ADAMTS19: variants seen among roughly 807,000 people sequenced by gnomAD.
The protein encoded by ADAMTS19 is ADAM metallopeptidase with thrombospondin type 1 motif 19.
A neutral mutation model predicts 153.3 loss-of-function variants in ADAMTS19; 93 were observed. The observed-to-expected ratio is 0.61, with a 90% CI of 0.51 to 0.72. ADAMTS19 has a LOEUF of 0.72. ADAMTS19 is among the 30% of genes least tolerant of loss of function. ADAMTS19 has a pLI of 0.00. For missense variants in ADAMTS19, 1,482 were observed against 1,552.1 expected (o/e 0.95, Z 0.76); for synonymous variants, 600 against 556.6 (o/e 1.08, Z -1.10).
At chr5:129,567,348 T>C (rs966648718) in intron 7 of ADAMTS19, among the ~76,000 whole-genome samples, 5 of 152,052 alleles carry the variant, frequency 3.3e-5, no homozygotes, top group Non-Finnish European at 7.4e-5. Flanking sequence ...AAAATCTCAA[T>C]TTGCATGGGA....
chr5:129,631,066 T>C (rs1752262819), intron 10 of ADAMTS19, among the ~76,000 whole-genome samples: 1 of 151,664 alleles, frequency 6.6e-6, no homozygotes, highest in African/African-American at 2.4e-5. Flanking sequence ...GTTTAAAGAA[T>C]TGAAAAAACT....
chr5:129,702,941 A>AAATAT, intron 20 of ADAMTS19, among the ~76,000 whole-genome samples: 13 of 29,302 alleles, frequency 4.4e-4, no homozygotes, highest in South Asian at 3.3e-3. Context: ...AAAAAAAAAA[A>AAATAT]ATATATATAT....
At chr5:129,512,051 G>A (rs1751453518) in intron 3 of ADAMTS19, among the ~76,000 whole-genome samples, 4 of 151,986 alleles carry the variant, frequency 2.6e-5, no homozygotes, top group Admixed American at 2.6e-4. Context: ...TGGAAAAGTG[G>A]TCATGGACCA....
chr5:129,645,271 A>G (rs1251708986), intron 11 of ADAMTS19, among the ~76,000 whole-genome samples: 1 of 152,228 alleles, frequency 6.6e-6, no homozygotes, highest in African/African-American at 2.4e-5. Flanking sequence ...CAAACGTTGT[A>G]TGAAACAAAT....
intron 21 of ADAMTS19, among the ~76,000 whole-genome samples, chr5:129,706,357 G>T (rs995502479): frequency 2.0e-5 from 3 of 152,150 alleles, no homozygotes; most frequent in Admixed American, 2.0e-4. Flanking sequence ...ATCACTTGAG[G>T]TCAGCAGTTT....
chr5:129,507,261 C>T (rs1029231838), intron 2 of ADAMTS19, among the ~76,000 whole-genome samples: 5 of 152,002 alleles, frequency 3.3e-5, no homozygotes, highest in African/African-American at 9.7e-5. Context: ...CTCAGAATTA[C>T]ACTAATCCAT....
rs1445436658 is a variant in ADAMTS19, at chr5:129,738,259, T to A, written c.*1041T>A. The A allele has an allele frequency of 2.0e-5, 3 of 152,180 alleles. No individual in the cohort carries two copies. The South Asian group carries it at 6.2e-4, about 32-fold the overall frequency. 9.4% of individuals were successfully genotyped at this position (152,180 alleles called of 1,614,324 possible). On this transcript the variant is annotated 3_prime_UTR_variant, in exon 23 of 23. Transcript: ENST00000274487. Reference sequence around the variant, plus strand: ...GAAACGTTCAAAAGCCAGCTTAAAATTTTTCTTGTGAGAAAATATTATACA... The same window carrying A: ...GAAACGTTCAAAAGCCAGCTTAAAAATTTTCTTGTGAGAAAATATTATACA...
At chr5:129,534,694 A>G (rs1752348665) in intron 6 of ADAMTS19, among the ~76,000 whole-genome samples, 1 of 152,194 alleles carries the variant, frequency 6.6e-6, no homozygotes, top group African/African-American at 2.4e-5. Context: ...GGCAAACCGA[A>G]TCCAGCAGCA....
rs544559514 is a variant in ADAMTS19 at position 129,620,689 on chromosome 5, T to C, written c.1550T>C (p.Ile517Thr). Reference sequence around the variant, plus strand: ...CTTCATATCATGTCTGGTGAATGGATTAAAGGACAGAATCTTGGTGACGTT... The same window carrying C: ...CTTCATATCATGTCTGGTGAATGGACTAAAGGACAGAATCTTGGTGACGTT... The part of the protein sequence containing the change: ...DGLHIMSGEW[I>T]KGQNLGDVSW... Residue 517 changes from isoleucine to threonine, a missense_variant, in exon 9 of 23, where the codon ATT becomes ACT. Physicochemically the swap from Ile to Thr is moderately conservative, Grantham distance 89. Around this residue, in one of 2 missense-constraint regions of ADAMTS19, gnomAD observed 866 missense variants for 827.7 expected, o/e 1.05. Transcript: ENST00000274487. 1.2e-6 allele frequency: 2 copies of C among 1,613,204 alleles called. No individual in the cohort carries two copies. Among genetic ancestry groups the C allele is most frequent in the African/African-American group, 1.3e-5 (1 of 74,986 alleles).
intron 10 of ADAMTS19, among the ~76,000 whole-genome samples, chr5:129,639,838 G>T (rs986078973): frequency 2.0e-5 from 3 of 152,226 alleles, no homozygotes; most frequent in Admixed American, 2.0e-4. Flanking sequence ...TTGACAGAAA[G>T]TTCCTAGATG....
chr5:129,466,596 T>C (rs541342680), intron 2 of ADAMTS19, among the ~76,000 whole-genome samples: 253 of 152,060 alleles, frequency 1.7e-3, no homozygotes, highest in Non-Finnish European at 2.2e-3. Context: ...CCAGAAATTA[T>C]CCCAGAACAC....
chr5:129,661,418 A>G (rs1051151407), intron 15 of ADAMTS19, among the ~76,000 whole-genome samples: 1 of 152,164 alleles, frequency 6.6e-6, no homozygotes, highest in Non-Finnish European at 1.5e-5. Context: ...CTTCAGGAAT[A>G]TTGTATTTAT....
intron 7 of ADAMTS19, among the ~76,000 whole-genome samples, chr5:129,562,284 T>A (rs1031207667): frequency 1.3e-5 from 2 of 152,212 alleles, no homozygotes; most frequent in African/African-American, 4.8e-5. Flanking sequence ...ATGTATATAC[T>A]CAAGTGTTGA....
At chr5:129,661,310 T>C (rs1369321949) in intron 15 of ADAMTS19, among the ~76,000 whole-genome samples, 1 of 152,234 alleles carries the variant, frequency 6.6e-6, no homozygotes, top group Non-Finnish European at 1.5e-5. Context: ...CCATTAATAT[T>C]TGCTAATTTA....
intron 6 of ADAMTS19, among the ~76,000 whole-genome samples, chr5:129,534,047 G>C (rs1461362496): frequency 1.3e-5 from 2 of 152,098 alleles, no homozygotes; most frequent in Non-Finnish European, 2.9e-5. Flanking sequence ...GGTGTGGTGT[G>C]GTGCTGAAAA....
chr5:129,712,646 A>G (rs1413425342), intron 21 of ADAMTS19, among the ~76,000 whole-genome samples: 1 of 152,078 alleles, frequency 6.6e-6, no homozygotes, highest in Non-Finnish European at 1.5e-5. Flanking sequence ...TATTGCCACT[A>G]GATATACAAA....
chr5:129,676,014 G>A (rs975487317), intron 16 of ADAMTS19, among the ~76,000 whole-genome samples: 3 of 152,106 alleles, frequency 2.0e-5, no homozygotes, highest in African/African-American at 4.8e-5. Flanking sequence ...CAATCTGGGT[G>A]ACAGAGTGAG....
intron 2 of ADAMTS19, among the ~76,000 whole-genome samples, chr5:129,480,188 T>C (rs1580991024): frequency 1.3e-5 from 2 of 152,158 alleles, no homozygotes; most frequent in East Asian, 3.9e-4. Context: ...TGTAATTCAA[T>C]GGAGGAATTC....
chr5:129,669,302 T>C (rs1004051221), intron 16 of ADAMTS19, among the ~76,000 whole-genome samples: 1 of 152,030 alleles, frequency 6.6e-6, no homozygotes, highest in African/African-American at 2.4e-5. Context: ...TAATTATAGG[T>C]CTATTTATGA....
Sources: gnomAD v4.1 joint callset for allele counts (sites outside exome capture counted in the v4.1 genomes callset) on GRCh38, gnomAD v4.1.1 for gene constraint, gnomAD v4.1.1 regional missense constraint, MANE v1.5 for transcripts, NCBI Gene and HGNC (gene_info 2026-07-23, HGNC 2026-07-21) for gene names.